GLDC: variants seen among roughly 807,000 people sequenced by gnomAD.
GLDC encodes the protein glycine decarboxylase.
GLDC carries 104 observed loss-of-function variants against 121.3 expected under a neutral mutation model. The ratio of observed to expected loss-of-function variants is 0.86; its 90% confidence interval spans 0.73 to 1.01. The LOEUF is 1.01. Ranked by LOEUF, GLDC falls within the 50% of genes least tolerant of loss-of-function variation. The probability of loss-of-function intolerance (pLI) is 0.00; values close to 1 mark genes in which losing one functional copy is unlikely to be tolerated. For synonymous variants in GLDC, 546 were observed against 480.6 expected, an observed-to-expected ratio of 1.14 and a Z score of -1.78; for missense variants, 1,429 against 1,306.6, an observed-to-expected ratio of 1.09 and a Z score of -1.44.
intron 21 of GLDC, among the ~76,000 whole-genome samples, chr9:6,543,789 C>T (rs1817324433): frequency 6.6e-6 from 1 of 151,990 alleles, no homozygotes; most frequent in African/African-American, 2.4e-5. Context: ...CTGAATAAAC[C>T]ACTCAGCACC....
At chr9:6,604,273 G>A (rs928182003) in intron 7 of GLDC, among the ~76,000 whole-genome samples, 3 of 152,130 alleles carry the variant, frequency 2.0e-5, no homozygotes, top group Non-Finnish European at 2.9e-5. Flanking sequence ...TTTTGAGAAC[G>A]AAAACTGTCG....
At chr9:6,533,342 C>A (rs1817041577) in intron 24 of GLDC, among the ~76,000 whole-genome samples, 182 bp from the exon 25 acceptor site, 1 of 152,132 alleles carries the variant, frequency 6.6e-6, no homozygotes, top group Non-Finnish European at 1.5e-5. Context: ...GGAGGCGTGT[C>A]CCTGATCACC....
rs149783688 is a variant in GLDC at position 6,571,496 on chromosome 9, T to C, written c.1851-6067A>G. Among the ~76,000 whole-genome samples the C allele has an allele frequency of 1.9e-3, 282 of 152,296 alleles. 1 individual carries two copies. Among genetic ancestry groups the C allele is most frequent in the African/African-American group, 6.5e-3 (270 of 41,562 alleles). The stretch of plus-strand genomic sequence containing the variant: ...AATAAGGGTTCCTTGCAATGAGACA[T>C]TGCAGTGAGATCGTGCCACTGTACG... On this transcript the variant is annotated intron_variant, in intron 15 of 24. Transcript: ENST00000321612.
chr9:6,570,770 C>A (rs950447318), intron 15 of GLDC, among the ~76,000 whole-genome samples: 2 of 148,818 alleles, frequency 1.3e-5, no homozygotes, highest in African/African-American at 5.0e-5. Flanking sequence ...AAGAGAATCA[C>A]TTGAACCCAG....
Position 6,552,077 on chromosome 9 carries a change from C to T in GLDC, c.2458-1163G>A, listed in dbSNP as rs542654944. 3.3e-5 allele frequency among the ~76,000 whole-genome samples: 5 copies of T among 152,188 alleles called. No homozygotes were observed. In the East Asian group the frequency reaches 5.8e-4, roughly 18 times the overall value. ...AAGCAACAGGAAGCCACGAGAGATA[C>T]GTGGGGGCCTAGGGTGAGTCTAGCA... On this transcript the variant is annotated intron_variant, in intron 20 of 24. Coordinates refer to ENST00000321612, the MANE Select transcript of GLDC (RefSeq NM_000170.3).
At chr9:6,558,430 G>A in intron 17 of GLDC, 129 bp downstream of exon 17, 2 of 1,086,748 alleles carry the variant, frequency 1.8e-6, no homozygotes, top group Non-Finnish European at 2.8e-6. Context: ...GTAGACTCTG[G>A]TCAAAGGAAG....
At chr9:6,572,116 G>A (rs543755496) in intron 15 of GLDC, among the ~76,000 whole-genome samples, 1 of 149,968 alleles carries the variant, frequency 6.7e-6, no homozygotes, top group South Asian at 2.1e-4. Flanking sequence ...AATAAAAATT[G>A]TTGGGATCTA....
chr9:6,533,184 T>C, intron 24 of GLDC, 24 bp from the exon 25 acceptor site: 1 of 1,611,746 alleles, frequency 6.2e-7, no homozygotes, highest in East Asian at 2.2e-5. Context: ...AAGATGGAAA[T>C]GCTGTGAGAT....
chr9:6,585,003 T>C (rs557287547), intron 15 of GLDC: 4 of 152,298 alleles, frequency 2.6e-5, no homozygotes, highest in South Asian at 2.1e-4. Flanking sequence ...TTGGCTGCAG[T>C]TGGAATCATG....
intron 21 of GLDC, among the ~76,000 whole-genome samples, chr9:6,543,074 G>A (rs1817303510): frequency 6.7e-6 from 1 of 149,354 alleles, no homozygotes; most frequent in Non-Finnish European, 1.5e-5. Context: ...CTTGGGAGTT[G>A]GAGACCAGCC....
chr9:6,557,863 G>A (rs1218647859), intron 17 of GLDC: 1 of 154,900 alleles, frequency 6.5e-6, no homozygotes, highest in Admixed American at 6.3e-5. Context: ...TGGAACACTT[G>A]TTGGAAAAAA....
intron 21 of GLDC, among the ~76,000 whole-genome samples, chr9:6,546,617 G>A (rs1817396307): frequency 6.6e-6 from 1 of 151,966 alleles, no homozygotes; most frequent in African/African-American, 2.4e-5. Context: ...CCGCCCTGAA[G>A]CTGTTTTACA....
At chr9:6,604,184 G>A (rs1253705366) in intron 7 of GLDC, among the ~76,000 whole-genome samples, 3 of 152,158 alleles carry the variant, frequency 2.0e-5, no homozygotes, top group Non-Finnish European at 4.4e-5. Flanking sequence ...GAAGCCTCTA[G>A]GAAGGAACGC....
intron 7 of GLDC, 97 bp from the exon 8 acceptor site, chr9:6,602,302 A>ATTCAC: frequency 1.3e-6 from 1 of 795,846 alleles, no homozygotes; most frequent in Non-Finnish European, 2.2e-6. Flanking sequence ...CTTGAAGTGA[A>ATTCAC]TTCAGCAAAT....
chr9:6,550,130 C>T (rs1041069109), intron 21 of GLDC, among the ~76,000 whole-genome samples: 16 of 152,200 alleles, frequency 1.1e-4, no homozygotes, highest in African/African-American at 3.1e-4. Context: ...AGCAAGAAGG[C>T]GCTGTCAACC....
chr9:6,613,939 G>C (rs1000322498), intron 3 of GLDC, among the ~76,000 whole-genome samples: 1 of 152,102 alleles, frequency 6.6e-6, no homozygotes, highest in African/African-American at 2.4e-5. Context: ...ACCACACCCA[G>C]CTAAATTTTG....
chr9:6,562,751 G>A (rs1010928599), intron 16 of GLDC, among the ~76,000 whole-genome samples: 1 of 152,142 alleles, frequency 6.6e-6, no homozygotes, highest in Non-Finnish European at 1.5e-5. Flanking sequence ...AGTAGAGACA[G>A]GGTTTTGCTA....
chr9:6,565,470 T>C lies in GLDC; in HGVS notation c.1851-41A>G, dbSNP rs773338946. 11 of 1,468,800 alleles carry C rather than the reference T, an allele frequency of 7.5e-6. No homozygotes were observed. In the Admixed American group the frequency reaches 1.8e-4, roughly 25 times the overall value. The allele number at this position is 1,468,800 out of a possible 1,614,324, so 91.0% of individuals were successfully genotyped here. ...AGAAAGGGATCACGGTTAGGTCTTCTGGCTTTCATTTACTCATTCAATATT... is the reference window on the plus strand; with the variant it reads ...AGAAAGGGATCACGGTTAGGTCTTCCGGCTTTCATTTACTCATTCAATATT... On this transcript the variant is annotated intron_variant, in intron 15 of 24. Transcript: ENST00000321612.
intron 11 of GLDC, among the ~76,000 whole-genome samples, chr9:6,590,191 T>A (rs1327215270): frequency 2.0e-5 from 3 of 150,580 alleles, no homozygotes; most frequent in Non-Finnish European, 4.4e-5. Flanking sequence ...AAATTTGAAA[T>A]GTGTGTGCAT....
Sources: allele counts gnomAD v4.1 joint callset (sites outside exome capture counted in the v4.1 genomes callset), GRCh38; gene constraint gnomAD v4.1.1; transcripts MANE v1.5; gene names NCBI Gene and HGNC (gene_info 2026-07-23, HGNC 2026-07-21).